SYAP1: variants seen among roughly 807,000 people sequenced by gnomAD.
SYAP1 encodes synapse-associated protein 1.
In SYAP1, 3 loss-of-function variants were observed where a neutral mutation model predicts 29.6. The ratio of observed to expected loss-of-function variants is 0.10; its 90% CI spans 0.05 to 0.26. The LOEUF (loss-of-function observed/expected upper bound fraction) is 0.26. Among genes scored for constraint, SYAP1 ranks in the 10% least tolerant of loss-of-function variants. SYAP1 has a pLI of 1.00. For missense variants in SYAP1, 217 were observed against 264.1 expected (o/e 0.82, Z 1.24); for synonymous variants, 102 against 102.7 (o/e 0.99, Z 0.04).
At chrX:16,736,498 C>T (rs1324878026) in intron 3 of SYAP1, 6 of 243,862 alleles carry the variant, frequency 2.5e-5, no homozygotes, top group East Asian at 6.7e-5. Context: ...TCAGTTCTGA[C>T]TTTCTCTTTT....
intron 1 of SYAP1, among the ~76,000 whole-genome samples, chrX:16,720,232 A>G (rs1206620481): frequency 9.0e-6 from 1 of 111,694 alleles, no homozygotes; most frequent in Non-Finnish European, 1.9e-5. Flanking sequence ...CAACTCGAAA[A>G]CCTTCATTTA....
chrX:16,731,726 G>A (rs1410799752), intron 1 of SYAP1, among the ~76,000 whole-genome samples: 1 of 111,763 alleles, frequency 8.9e-6, no homozygotes, highest in East Asian at 2.8e-4. Flanking sequence ...GAACATCTGA[G>A]GTCAGGAGTT....
rs1314204526 is a variant in SYAP1 at position 16,763,142 on chromosome X, CA to C, written c.*2784del. The stretch of plus-strand genomic sequence containing the variant: ...TGCCTCTACAAAAATACAAATGAGC[CA>C]GGTGTGGTAGCCCACACCTGTGGTC... On this transcript the variant is annotated 3_prime_UTR_variant, in exon 9 of 9. Transcript: ENST00000380155. The C allele has an allele frequency of 9.2e-6, 1 of 108,852 alleles. No individual in the cohort carries two copies. The highest frequency in any genetic ancestry group is 9.9e-5 in the Admixed American group (1 of 10,068). 9.0% of individuals were successfully genotyped at this position (108,852 alleles called of 1,213,427 possible). A position where few individuals can be genotyped will look rare whatever the true frequency, so the allele number is the denominator to read the frequency against.
At position 16,741,712 on chromosome X, in the gene SYAP1, A is replaced by G. The variant is rs1325344699; in HGVS notation, c.362-4A>G. Reference sequence around the variant, plus strand: ...TTTCTTCTTTGCCATTAAAAACTGTATAGAAGCAGCTGTGCCCCCATGGGT... The same window carrying G: ...TTTCTTCTTTGCCATTAAAAACTGTGTAGAAGCAGCTGTGCCCCCATGGGT... On this transcript the variant is annotated splice_polypyrimidine_tract_variant and splice_region_variant and intron_variant, in intron 3 of 8. Transcript: ENST00000380155. The G allele has an allele frequency of 8.4e-7, 1 of 1,196,678 alleles. No individual in the cohort carries two copies. The highest frequency in any genetic ancestry group is 1.8e-5 in the South Asian group (1 of 54,454).
intron 1 of SYAP1, among the ~76,000 whole-genome samples, chrX:16,723,232 G>A (rs1453842749): frequency 1.8e-5 from 2 of 112,239 alleles, no homozygotes; most frequent in Admixed American, 9.5e-5. Flanking sequence ...GTGTACAGAG[G>A]TGACTATGTA....
chrX:16,745,192 C>T (rs1368022059), intron 5 of SYAP1, among the ~76,000 whole-genome samples: 1 of 112,171 alleles, frequency 8.9e-6, no homozygotes, highest in Non-Finnish European at 1.9e-5. Context: ...TCCTCGGCCT[C>T]CTGCCTGGCT....
In SYAP1 at chrX:16,719,687, T is replaced by C. The variant is rs1602316461; in HGVS notation, c.-38T>C. 2 of 1,192,917 alleles carry C rather than the reference T, an allele frequency of 1.7e-6. No homozygotes were observed. Among genetic ancestry groups the C allele is most frequent in the East Asian group, 3.0e-5 (1 of 33,022 alleles). ...AAGGCAACCAGTGCTCGCTGCGGTC[T>C]CTGGGGATCGGGACCGCGGCGGCGG... On this transcript the variant is annotated 5_prime_UTR_variant, in exon 1 of 9. Transcript: ENST00000380155.
Position 16,741,732 on chromosome X carries a change from A to G in SYAP1, c.378A>G (p.Pro126=). 1 of 1,205,151 alleles carries G rather than the reference A, an allele frequency of 8.3e-7. No homozygotes were observed. Among genetic ancestry groups the G allele is most frequent in the Non-Finnish European group, 1.1e-6 (1 of 892,771 alleles). ...HTKKSEAAVP[P]WVDTNDEETI... is the part of the protein sequence containing the mutation. ...ACTGTATAGAAGCAGCTGTGCCCCC[A>G]TGGGTTGACACTAACGATGAAGAAA... The change falls in exon 4 of 9, where the codon CCA becomes CCG. Residue 126 remains proline (P), a synonymous_variant. Coordinates refer to ENST00000380155, the MANE Select transcript of SYAP1 (RefSeq NM_032796.4).
At chrX:16,757,351 C>T in intron 8 of SYAP1, 42 bp downstream of exon 8, 2 of 1,149,590 alleles carry the variant, frequency 1.7e-6, no homozygotes, top group Admixed American at 2.6e-5. Context: ...CTATTCGTCT[C>T]CCTAATTCCA....
chrX:16,732,041 A>G (rs922506483), intron 1 of SYAP1, among the ~76,000 whole-genome samples: 1 of 112,496 alleles, frequency 8.9e-6, no homozygotes, highest in Non-Finnish European at 1.9e-5. Flanking sequence ...TATTTGGCAG[A>G]GATAAGTATG....
chrX:16,756,487 G>A (rs1470926479), intron 6 of SYAP1, among the ~76,000 whole-genome samples, 176 bp from the exon 7 acceptor site: 1 of 111,961 alleles, frequency 8.9e-6, no homozygotes, highest in Non-Finnish European at 1.9e-5. Context: ...GTAAGAGGTT[G>A]AGATGGTTTC....
chrX:16,755,709 G>C (rs1363776789), intron 6 of SYAP1, among the ~76,000 whole-genome samples: 4 of 111,489 alleles, frequency 3.6e-5, no homozygotes, highest in African/African-American at 1.3e-4. Flanking sequence ...TGGACTCATT[G>C]TGACACTAAC....
At chrX:16,753,808 C>G (rs1365361905) in intron 5 of SYAP1, among the ~76,000 whole-genome samples, 5 of 111,316 alleles carry the variant, frequency 4.5e-5, no homozygotes, top group Non-Finnish European at 9.4e-5. Flanking sequence ...TAGCTCTCCT[C>G]TCTGATGGTG....
chrX:16,734,266 C>A (rs2147420886), intron 1 of SYAP1, among the ~76,000 whole-genome samples: 1 of 108,440 alleles, frequency 9.2e-6, no homozygotes, highest in South Asian at 4.1e-4. Flanking sequence ...GTAATCCCAG[C>A]TACTTGCAGG....
intron 1 of SYAP1, among the ~76,000 whole-genome samples, chrX:16,726,432 C>G (rs1435499349): frequency 1.8e-5 from 2 of 110,567 alleles, no homozygotes; most frequent in African/African-American, 6.6e-5. Flanking sequence ...TCAGACCCCC[C>G]AGTAAAACTT....
chrX:16,747,024 T>C (rs1926625130), intron 5 of SYAP1, among the ~76,000 whole-genome samples: 1 of 112,260 alleles, frequency 8.9e-6, no homozygotes, highest in Non-Finnish European at 1.9e-5. Flanking sequence ...CACAGTAGCT[T>C]ACTGTAGCCT....
chrX:16,751,766 C>T (rs1457271014), intron 5 of SYAP1, among the ~76,000 whole-genome samples: 1 of 104,462 alleles, frequency 9.6e-6, no homozygotes, highest in East Asian at 3.0e-4. Context: ...GCAACCTCCG[C>T]CTCCTGGGTT....
chrX:16,764,638 AGG>A lies in SYAP1; in HGVS notation c.*4280_*4281del, dbSNP rs1201831499. On this transcript the variant is annotated 3_prime_UTR_variant, in exon 9 of 9. Coordinates refer to ENST00000380155, the MANE Select transcript of SYAP1 (RefSeq NM_032796.4). ...CGGCCTCTCAAAGTGCTGGGATTAC[AGG>A]CATGAGCCACCATGCCCAGCCAGTT... is the stretch of plus-strand genomic sequence containing the variant. 9.0e-6 allele frequency: 1 copy of A among 111,365 alleles called. No individual in the cohort carries two copies. Among genetic ancestry groups the A allele is most frequent in the African/African-American group, 3.3e-5 (1 of 30,719 alleles). 9.2% of individuals were successfully genotyped at this position (111,365 alleles called of 1,213,427 possible). A position where few individuals can be genotyped will look rare whatever the true frequency, so the allele number is the denominator to read the frequency against.
chrX:16,746,585 ATTTGT>A (rs200582603), intron 5 of SYAP1, among the ~76,000 whole-genome samples: 1,876 of 109,425 alleles, frequency 0.017, 52 homozygotes, highest in African/African-American at 0.06. Flanking sequence ...AGTTAAGGTG[ATTTGT>A]TTTGTTTTGG....
Sources: allele counts gnomAD v4.1 joint callset (sites outside exome capture counted in the v4.1 genomes callset), GRCh38; gene constraint gnomAD v4.1.1; transcripts MANE v1.5; gene names NCBI Gene and HGNC (gene_info 2026-07-23, HGNC 2026-07-21).